The following PDE4B variants were observed in gnomAD, a reference collection of about 807,000 sequenced individuals.
The protein encoded by PDE4B is 3',5'-cyclic-AMP phosphodiesterase 4B.
PDE4B carries 20 observed loss-of-function variants against 82.2 expected under a neutral mutation model. The ratio of observed to expected loss-of-function variants is 0.24; its 90% CI spans 0.17 to 0.35. The LOEUF (loss-of-function observed/expected upper bound fraction) is 0.35, where lower values mean the gene tolerates loss of function less well. Among genes scored for constraint, PDE4B ranks in the 10% least tolerant of loss-of-function variants. PDE4B has a pLI of 1.00. For synonymous variants in PDE4B, 320 were observed against 318.9 expected, an observed-to-expected ratio of 1.00 and a Z score of -0.04; for missense variants, 655 against 907.2, an observed-to-expected ratio of 0.72 and a Z score of 3.57.
In PDE4B at chr1:66,228,896, AGTCTGTCTTCT is replaced by A. The variant is rs1557647567; in HGVS notation, c.282-18563_282-18553del. ...GATAAAGAGTTCTCCTATGTTGTAAAGTCTGTCTTCTATAGTCTGCACTGCCTGAAATTGCT... is the reference window on the plus strand; with the variant it reads ...GATAAAGAGTTCTCCTATGTTGTAAAATAGTCTGCACTGCCTGAAATTGCT... On this transcript the variant is annotated intron_variant, in intron 3 of 16. Coordinates refer to ENST00000341517, the MANE Select transcript of PDE4B (RefSeq NM_002600.4). Among the ~76,000 whole-genome samples, 10 of 152,064 alleles carry A rather than the reference AGTCTGTCTTCT, an allele frequency of 6.6e-5. No homozygotes were observed. In the East Asian group the frequency reaches 1.9e-3, roughly 30 times the overall value.
intron 3 of PDE4B, among the ~76,000 whole-genome samples, chr1:66,117,848 T>G (rs1381080990): frequency 6.6e-6 from 1 of 152,208 alleles, no homozygotes; most frequent in African/African-American, 2.4e-5. Flanking sequence ...TGTGATTGCT[T>G]CTTTTTCTTA....
At chr1:66,192,684 A>T (rs1484004791) in intron 3 of PDE4B, among the ~76,000 whole-genome samples, 1 of 152,116 alleles carries the variant, frequency 6.6e-6, no homozygotes, top group East Asian at 1.9e-4. Flanking sequence ...TTCGGGGAAA[A>T]CTTTTATTGT....
chr1:65,953,654 G>A (rs1000322540), intron 3 of PDE4B, among the ~76,000 whole-genome samples: 3 of 152,062 alleles, frequency 2.0e-5, no homozygotes, highest in Non-Finnish European at 2.9e-5. Flanking sequence ...ATATATTTGT[G>A]TTGTTTTAAG....
intron 12 of PDE4B, among the ~76,000 whole-genome samples, chr1:66,364,773 C>G (rs569580524): frequency 3.9e-4 from 60 of 152,268 alleles, no homozygotes; most frequent in Non-Finnish European, 7.9e-4. Flanking sequence ...CAACTGCTCA[C>G]TGTTATTAAT....
At chr1:66,288,593 C>T (rs1287139409) in intron 7 of PDE4B, among the ~76,000 whole-genome samples, 1 of 152,144 alleles carries the variant, frequency 6.6e-6, no homozygotes, top group Non-Finnish European at 1.5e-5. Context: ...ATTTCCTAAA[C>T]TAGCGCCTGG....
chr1:66,045,572 T>C (rs1039368504), intron 3 of PDE4B, among the ~76,000 whole-genome samples: 1 of 151,702 alleles, frequency 6.6e-6, no homozygotes, highest in Non-Finnish European at 1.5e-5. Context: ...TCATGAAGCA[T>C]TGATGAAGTG....
At chr1:66,013,256 T>C (rs1012572782) in intron 3 of PDE4B, among the ~76,000 whole-genome samples, 1 of 152,104 alleles carries the variant, frequency 6.6e-6, no homozygotes, top group Non-Finnish European at 1.5e-5. Context: ...TAACTGATTT[T>C]GCCATCATTT....
At chr1:66,302,156 G>A (rs970260893) in intron 7 of PDE4B, among the ~76,000 whole-genome samples, 3 of 152,186 alleles carry the variant, frequency 2.0e-5, no homozygotes, top group African/African-American at 7.2e-5. Context: ...GCCTGAAGCA[G>A]AAGTGACCCA....
intron 3 of PDE4B, among the ~76,000 whole-genome samples, chr1:66,014,405 A>G (rs902024333): frequency 6.6e-6 from 1 of 152,244 alleles, no homozygotes; most frequent in South Asian, 2.1e-4. Context: ...GTTTCCTTAT[A>G]GAAGTTTTAT....
intron 7 of PDE4B, among the ~76,000 whole-genome samples, chr1:66,310,253 C>T (rs1163209222): frequency 3.3e-5 from 5 of 152,188 alleles, no homozygotes. Context: ...AGCAGAAGAA[C>T]TAGGGCTCAT....
chr1:65,825,748 A>G (rs1381720028), intron 1 of PDE4B, among the ~76,000 whole-genome samples: 4 of 151,408 alleles, frequency 2.6e-5, no homozygotes. Flanking sequence ...CTATCTATCT[A>G]TCTATCTATC....
chr1:65,971,503 A>G (rs1650135114), intron 3 of PDE4B, among the ~76,000 whole-genome samples: 1 of 152,126 alleles, frequency 6.6e-6, no homozygotes, highest in Non-Finnish European at 1.5e-5. Context: ...TTCTAAGGGA[A>G]TCATTTCATG....
chr1:66,023,235 G>A (rs193131510), intron 3 of PDE4B, among the ~76,000 whole-genome samples: 191 of 152,260 alleles, frequency 1.3e-3, no homozygotes, highest in Admixed American at 1.9e-3. Flanking sequence ...AATTTGCTGT[G>A]TTAGGCTGTG....
intron 3 of PDE4B, among the ~76,000 whole-genome samples, chr1:65,921,984 A>C (rs1647265847): frequency 6.6e-6 from 1 of 152,238 alleles, no homozygotes; most frequent in Admixed American, 6.5e-5. Flanking sequence ...ATTTTATATA[A>C]GGTTTTATAT....
intron 1 of PDE4B, among the ~76,000 whole-genome samples, chr1:65,844,391 A>T (rs1489049819): frequency 2.6e-5 from 4 of 152,196 alleles, no homozygotes; most frequent in African/African-American, 9.6e-5. Context: ...CATCGCCTTG[A>T]TGATAGATCT....
chr1:66,162,215 C>A (rs1646628691), intron 3 of PDE4B, among the ~76,000 whole-genome samples: 1 of 151,668 alleles, frequency 6.6e-6, no homozygotes, highest in African/African-American at 2.4e-5. Context: ...GATGTTCTCC[C>A]TCCTCACTTT....
chr1:66,191,425 G>A (rs1408615907), intron 3 of PDE4B, among the ~76,000 whole-genome samples: 1 of 152,126 alleles, frequency 6.6e-6, no homozygotes, highest in East Asian at 1.9e-4. Context: ...TTAAAAGACT[G>A]ATCTGTTGCT....
At chr1:66,290,149 A>C (rs1184746634) in intron 7 of PDE4B, among the ~76,000 whole-genome samples, 1 of 152,182 alleles carries the variant, frequency 6.6e-6, no homozygotes, top group Non-Finnish European at 1.5e-5. Context: ...CAGCAGAGAA[A>C]AGATTAGGCA....
intron 1 of PDE4B, among the ~76,000 whole-genome samples, chr1:65,823,518 C>T (rs1557764949): frequency 6.6e-6 from 1 of 151,946 alleles, no homozygotes. Context: ...ACTGCGCCTG[C>T]ACTGGTTCAG....
Sources: gnomAD v4.1 joint callset for allele counts (sites outside exome capture counted in the v4.1 genomes callset) on GRCh38, gnomAD v4.1.1 for gene constraint, MANE v1.5 for transcripts, NCBI Gene and HGNC (gene_info 2026-07-23, HGNC 2026-07-21) for gene names.